OSBP2: variants seen among roughly 807,000 people sequenced by gnomAD.
OSBP2 encodes oxysterol-binding protein 2.
In OSBP2, 66 loss-of-function variants were observed where a neutral mutation model predicts 96.0. The ratio of observed to expected loss-of-function variants is 0.69; its 90% CI spans 0.56 to 0.84. The LOEUF (loss-of-function observed/expected upper bound fraction) is 0.84, where lower values mean the gene tolerates loss of function less well. OSBP2 is among the 40% of genes least tolerant of loss of function. The probability of loss-of-function intolerance (pLI) is 0.00; values close to 1 mark genes in which losing one functional copy is unlikely to be tolerated. For missense variants in OSBP2, 1,038 were observed against 1,222.7 expected, an observed-to-expected ratio of 0.85 and a Z score of 2.25; for synonymous variants, 525 against 520.9, an observed-to-expected ratio of 1.01 and a Z score of -0.11.
At position 30,862,283 on chromosome 22, in the gene OSBP2, T is replaced by A. The variant is rs573357547; in HGVS notation, c.854-8146T>A. ...GTTGGAGGGCAGCAGCAGGGCAGGC[T>A]GGGCAGGGGGCCCACCTGGTCCCAC... On this transcript the variant is annotated intron_variant, in intron 2 of 13. Transcript: ENST00000332585. 9.8e-5 allele frequency among the ~76,000 whole-genome samples: 15 copies of A among 152,310 alleles called. No individual in the cohort carries two copies. In the South Asian group the frequency reaches 2.9e-3, roughly 29 times the overall value.
chr22:30,895,271 A>G (rs1316721615), intron 12 of OSBP2, among the ~76,000 whole-genome samples: 3 of 152,010 alleles, frequency 2.0e-5, no homozygotes, highest in Non-Finnish European at 4.4e-5. Flanking sequence ...GAAGAAGAAG[A>G]AAAAAAACAA....
At chr22:30,901,039 T>G (rs533410237) in intron 12 of OSBP2, among the ~76,000 whole-genome samples, 3 of 152,264 alleles carry the variant, frequency 2.0e-5, no homozygotes, top group African/African-American at 7.2e-5. Flanking sequence ...TATTTTATCA[T>G]AGTTAAAAAT....
At chr22:30,822,779 T>C in intron 2 of OSBP2, 1 of 1,362,386 alleles carries the variant, frequency 7.3e-7, no homozygotes, top group Non-Finnish European at 1.0e-6. Flanking sequence ...GGTGCCTGGC[T>C]TTGCTGCGTG....
At chr22:30,840,944 C>A (rs1285865191) in intron 2 of OSBP2, among the ~76,000 whole-genome samples, 2 of 151,966 alleles carry the variant, frequency 1.3e-5, no homozygotes, top group African/African-American at 4.8e-5. Flanking sequence ...GCAGGTGGAT[C>A]ACTTGAGGTC....
At chr22:30,792,444 G>A (rs1418109808) in intron 2 of OSBP2, among the ~76,000 whole-genome samples, 2 of 152,128 alleles carry the variant, frequency 1.3e-5, no homozygotes, top group Non-Finnish European at 2.9e-5. Flanking sequence ...AAACCTTCCT[G>A]TAAATGCTTC....
At chr22:30,872,284 G>A (rs774406177) in intron 3 of OSBP2, 11 of 456,518 alleles carry the variant, frequency 2.4e-5, no homozygotes, top group African/African-American at 6.0e-5. Context: ...ATAATAATGC[G>A]TTTGTATTTC....
chr22:30,889,368 C>T, intron 6 of OSBP2, 122 bp from the exon 7 acceptor site: 2 of 1,431,460 alleles, frequency 1.4e-6, no homozygotes, highest in Non-Finnish European at 1.9e-6. Flanking sequence ...TCCTGGCCTT[C>T]CACCAGCAGC....
In OSBP2 at chr22:30,756,000, C is replaced by T. The variant is rs117589156; in HGVS notation, c.853+14631C>T. ...CCTTAACGTGGAGCACCAGTCCCCA[C>T]GCAGCCTGACCCCACTAGGCCCTGT... is the stretch of plus-strand genomic sequence containing the variant. On this transcript the variant is annotated intron_variant, in intron 2 of 13. Transcript: ENST00000332585. Among the ~76,000 whole-genome samples the T allele has an allele frequency of 2.1e-4, 32 of 152,296 alleles. No individual in the cohort carries two copies. The East Asian group carries it at 3.7e-3, about 17-fold the overall frequency.
chr22:30,875,901 A>G (rs768014485), intron 3 of OSBP2, among the ~76,000 whole-genome samples: 28 of 152,254 alleles, frequency 1.8e-4, no homozygotes, highest in Non-Finnish European at 2.5e-4. Context: ...CGCAGGGAAC[A>G]GGCAATCCAG....
At chr22:30,694,368 G>A (rs537812548), upstream of OSBP2, 1,101 of 1,523,562 alleles carry the variant, frequency 7.2e-4, 2 homozygotes, top group South Asian at 1.2e-3. Flanking sequence ...TGGGGGGCGG[G>A]GCGTCGTCTT....
chr22:30,869,947 GAGA>G (rs1388270102), intron 2 of OSBP2, among the ~76,000 whole-genome samples: 1 of 152,206 alleles, frequency 6.6e-6, no homozygotes, highest in African/African-American at 2.4e-5. Flanking sequence ...GGCATGAGCA[GAGA>G]GCAAAGTGAG....
chr22:30,880,190 C>G (rs1195080485), intron 3 of OSBP2, among the ~76,000 whole-genome samples: 2 of 152,232 alleles, frequency 1.3e-5, no homozygotes, highest in Non-Finnish European at 2.9e-5. Flanking sequence ...TCATCACCTT[C>G]AGAACCCCAG....
chr22:30,732,380 C>T (rs2089793993), intron 1 of OSBP2, among the ~76,000 whole-genome samples: 1 of 152,102 alleles, frequency 6.6e-6, no homozygotes, highest in South Asian at 2.1e-4. Context: ...ATTCTCCTCC[C>T]ATTTCCAAAT....
At chr22:30,795,517 C>CCTTT (rs1189358170) in intron 2 of OSBP2, among the ~76,000 whole-genome samples, 1 of 125,558 alleles carries the variant, frequency 8.0e-6, no homozygotes, top group African/African-American at 3.1e-5. Context: ...CTATCCAATG[C>CCTTT]ATTTTTTTTT....
At chr22:30,782,016 G>A (rs2090524780) in intron 2 of OSBP2, among the ~76,000 whole-genome samples, 1 of 152,088 alleles carries the variant, frequency 6.6e-6, no homozygotes. Flanking sequence ...CGTGGTGGTG[G>A]GCACCTGTAT....
chr22:30,877,283 C>T (rs553938902), intron 3 of OSBP2, among the ~76,000 whole-genome samples: 125 of 152,262 alleles, frequency 8.2e-4, no homozygotes, highest in South Asian at 6.2e-3. Context: ...CTAGCAGATC[C>T]GTGCTTGAAT....
chr22:30,772,132 C>T (rs1017973376), intron 2 of OSBP2, among the ~76,000 whole-genome samples: 2 of 152,134 alleles, frequency 1.3e-5, no homozygotes, highest in African/African-American at 4.8e-5. Context: ...CTGGAGTTGG[C>T]GATTCACTGT....
At chr22:30,772,467 T>C (rs977675684) in intron 2 of OSBP2, among the ~76,000 whole-genome samples, 2 of 152,150 alleles carry the variant, frequency 1.3e-5, no homozygotes, top group Admixed American at 1.3e-4. Flanking sequence ...GTGGGATGTC[T>C]TGTAATGAAT....
intron 2 of OSBP2, among the ~76,000 whole-genome samples, chr22:30,846,126 C>A (rs1223176857): frequency 6.6e-6 from 1 of 151,822 alleles, no homozygotes; most frequent in Non-Finnish European, 1.5e-5. Context: ...GTGATCATAT[C>A]ATTTTATTTT....
Sources: gnomAD v4.1 joint callset for allele counts (sites outside exome capture counted in the v4.1 genomes callset) on GRCh38, gnomAD v4.1.1 for gene constraint, MANE v1.5 for transcripts, NCBI Gene and HGNC (gene_info 2026-07-23, HGNC 2026-07-21) for gene names.